PMFBP1: variants seen among roughly 807,000 people sequenced by gnomAD.
PMFBP1 encodes the protein polyamine-modulated factor 1-binding protein 1.
A neutral mutation model predicts 137.8 loss-of-function variants in PMFBP1; 131 were observed. That is an observed-to-expected ratio of 0.95 (90% confidence interval 0.82 to 1.10). The LOEUF is 1.10. Among genes scored for constraint, PMFBP1 ranks in the 50% least tolerant of loss-of-function variants. The pLI is 0.00. For synonymous variants in PMFBP1, 490 were observed against 450.4 expected (o/e 1.09, Z -1.11); for missense variants, 1,199 against 1,175.4 (o/e 1.02, Z -0.29).
At chr16:72,216,935 G>A in the PMFBP1 span, among the ~76,000 whole-genome samples, 40 of 152,194 alleles carry the variant, frequency 2.6e-4, no homozygotes, top group African/African-American at 9.2e-4. Flanking sequence ...TTAGTTCATT[G>A]GGTGCCACGC....
the PMFBP1 span, among the ~76,000 whole-genome samples, chr16:72,219,139 C>T: frequency 2.6e-5 from 4 of 151,992 alleles, no homozygotes; most frequent in African/African-American, 9.7e-5. Context: ...GTGGTGAGAA[C>T]ACTTAAAATG....
intron 14 of PMFBP1, among the ~76,000 whole-genome samples, chr16:72,127,931 A>G (rs2042486517): frequency 6.6e-6 from 1 of 152,228 alleles, no homozygotes; most frequent in African/African-American, 2.4e-5. Flanking sequence ...TTTCATTTGT[A>G]GCCCAAGAGA....
At chr16:72,135,530 T>C (rs2042614438) in intron 9 of PMFBP1, among the ~76,000 whole-genome samples, 1 of 151,938 alleles carries the variant, frequency 6.6e-6, no homozygotes, top group African/African-American at 2.4e-5. Context: ...AGCTGGATTA[T>C]TTTTAATAGC....
intron 9 of PMFBP1, among the ~76,000 whole-genome samples, chr16:72,135,740 GTTTTTT>G (rs869189990): frequency 1.5e-5 from 1 of 66,816 alleles, no homozygotes; most frequent in Admixed American, 2.4e-4. Flanking sequence ...TAATTTTTCT[GTTTTTT>G]TTTTTTTTTT....
intron 5 of PMFBP1, among the ~76,000 whole-genome samples, chr16:72,146,988 A>G (rs1399606674): frequency 6.6e-6 from 1 of 152,198 alleles, no homozygotes; most frequent in Non-Finnish European, 1.5e-5. Flanking sequence ...CCATAAAGCT[A>G]CCACTGAGTT....
chr16:72,184,155 G>A, the PMFBP1 span, among the ~76,000 whole-genome samples: 1 of 152,048 alleles, frequency 6.6e-6, no homozygotes, highest in Non-Finnish European at 1.5e-5. Flanking sequence ...TCCTGAAATG[G>A]TCCCAGGTTC....
the PMFBP1 span, among the ~76,000 whole-genome samples, chr16:72,247,107 T>TC: frequency 6.6e-6 from 1 of 152,216 alleles, no homozygotes; most frequent in Non-Finnish European, 1.5e-5. Context: ...GGAATGCCCT[T>TC]CATTAATGCC....
chr16:72,215,403 T>C, the PMFBP1 span, among the ~76,000 whole-genome samples: 1 of 151,046 alleles, frequency 6.6e-6, no homozygotes, highest in African/African-American at 2.4e-5. Flanking sequence ...TACAAAAGAA[T>C]AGCCATTAGT....
intron 13 of PMFBP1, 124 bp from the exon 14 acceptor site, chr16:72,128,918 C>A: frequency 1.3e-6 from 2 of 1,505,484 alleles, no homozygotes; most frequent in South Asian, 1.3e-5. Flanking sequence ...CAGGCATTCT[C>A]GCTCCCCTCC....
At chr16:72,122,878 C>T (rs1399807434) in intron 19 of PMFBP1, 36 bp downstream of exon 19, 6 of 1,591,396 alleles carry the variant, frequency 3.8e-6, no homozygotes, top group African/African-American at 1.3e-5. Context: ...CTTGTCAGCT[C>T]CCAGGAAGCA....
At chr16:72,163,883 G>T (rs942412492) in intron 3 of PMFBP1, among the ~76,000 whole-genome samples, 17 of 151,888 alleles carry the variant, frequency 1.1e-4, no homozygotes. Context: ...AGGATGCAAA[G>T]GCATAAGAGT....
At chr16:72,196,216 G>A in the PMFBP1 span, among the ~76,000 whole-genome samples, 1 of 152,110 alleles carries the variant, frequency 6.6e-6, no homozygotes, top group African/African-American at 2.4e-5. Flanking sequence ...CCAGATACGG[G>A]AGAAAGATCA....
chr16:72,227,964 C>A, the PMFBP1 span, among the ~76,000 whole-genome samples: 1 of 152,138 alleles, frequency 6.6e-6, no homozygotes, highest in African/African-American at 2.4e-5. Flanking sequence ...CACCTAAACG[C>A]CAAGTGAAAT....
chr16:72,158,118 T>A (rs2043009675), intron 3 of PMFBP1, among the ~76,000 whole-genome samples: 1 of 152,168 alleles, frequency 6.6e-6, no homozygotes, highest in South Asian at 2.1e-4. Context: ...TAGCTGATTG[T>A]GTCAGTACAA....
chr16:72,206,188 A>G, the PMFBP1 span, among the ~76,000 whole-genome samples: 2 of 152,178 alleles, frequency 1.3e-5, no homozygotes, highest in Non-Finnish European at 2.9e-5. Context: ...TCTAGCTGTG[A>G]GCCTTGGGCA....
intron 15 of PMFBP1, 38 bp from the exon 16 acceptor site, chr16:72,125,443 G>A (rs752709350): frequency 6.3e-7 from 1 of 1,597,822 alleles, no homozygotes; most frequent in South Asian, 1.1e-5. Flanking sequence ...GGCTGTCAGA[G>A]ACTTTGACCC....
chr16:72,171,358 AGAG>A, intron 1 of PMFBP1, 90 bp from the exon 2 acceptor site: 1 of 839,328 alleles, frequency 1.2e-6, no homozygotes, highest in East Asian at 2.5e-5. Flanking sequence ...GCCCTCAGCA[AGAG>A]GTTTGGAAAA....
the PMFBP1 span, among the ~76,000 whole-genome samples, chr16:72,247,391 A>G: frequency 6.6e-6 from 1 of 152,246 alleles, no homozygotes; most frequent in African/African-American, 2.4e-5. Flanking sequence ...AATAAGCTTC[A>G]GTGATAACAC....
chr16:72,128,749 G>C lies in PMFBP1; in HGVS notation c.1996C>G (p.Arg666Gly), dbSNP rs941085950. Residue 666 changes from arginine (R) to glycine (G), a missense_variant, in exon 14 of 21, where the codon CGA (arginine) becomes GGA (glycine). Transcript: ENST00000237353. ...RKLEEENENL[R>G]AELQCCSTQL... ...GTAGAACAACACTGTAGCTCTGCTC[G>C]GAGATTCTCATTTTCTTCCTCCAAC... 1 of 1,614,030 alleles carries C rather than the reference G, an allele frequency of 6.2e-7. No individual in the cohort carries two copies. The highest frequency in any genetic ancestry group is 1.7e-5 in the Admixed American group (1 of 59,998).
Sources: allele counts gnomAD v4.1 joint callset (sites outside exome capture counted in the v4.1 genomes callset), GRCh38; gene constraint gnomAD v4.1.1; transcripts MANE v1.5; gene names NCBI Gene and HGNC (gene_info 2026-07-23, HGNC 2026-07-21).